The following SPOCK1 variants were observed in gnomAD, a reference collection of about 807,000 sequenced individuals.
SPOCK1 encodes the protein SPARC (osteonectin), cwcv and kazal like domains proteoglycan 1.
SPOCK1 carries 23 observed loss-of-function variants against 55.3 expected under a neutral mutation model. That is an observed-to-expected ratio of 0.42 (90% CI 0.30 to 0.59). The LOEUF (loss-of-function observed/expected upper bound fraction) is 0.59, where lower values mean the gene tolerates loss of function less well. SPOCK1 is among the 20% of genes least tolerant of loss of function. The pLI, the probability that SPOCK1 is intolerant of heterozygous loss-of-function variation, is 0.22. For missense variants in SPOCK1, 499 were observed against 552.5 expected, an observed-to-expected ratio of 0.90 and a Z score of 0.97; for synonymous variants, 226 against 221.0, an observed-to-expected ratio of 1.02 and a Z score of -0.20.
At chr5:136,989,886 G>A (rs1244948219) in intron 7 of SPOCK1, among the ~76,000 whole-genome samples, 2 of 152,022 alleles carry the variant, frequency 1.3e-5, no homozygotes, top group Non-Finnish European at 2.9e-5. Flanking sequence ...CCCTTTCTTA[G>A]TGAAATGTAG....
intron 2 of SPOCK1, among the ~76,000 whole-genome samples, chr5:137,373,148 G>A (rs746346266): frequency 6.6e-6 from 1 of 152,058 alleles, no homozygotes; most frequent in Non-Finnish European, 1.5e-5. Flanking sequence ...AGCCATATGA[G>A]TTTCTATTCA....
chr5:137,307,955 G>A (rs1279665537), intron 2 of SPOCK1, among the ~76,000 whole-genome samples: 1 of 152,100 alleles, frequency 6.6e-6, no homozygotes, highest in Non-Finnish European at 1.5e-5. Flanking sequence ...GACAAAACAA[G>A]GTAAATGTCC....
intron 2 of SPOCK1, among the ~76,000 whole-genome samples, chr5:137,285,561 T>A (rs997311305): frequency 2.0e-5 from 3 of 152,176 alleles, no homozygotes; most frequent in Non-Finnish European, 4.4e-5. Flanking sequence ...TTAAACATGG[T>A]TATTTATTAG....
chr5:137,350,892 C>G (rs1030744433), intron 2 of SPOCK1, among the ~76,000 whole-genome samples: 14 of 151,992 alleles, frequency 9.2e-5, no homozygotes, highest in African/African-American at 3.4e-4. Flanking sequence ...AAGATCAAGT[C>G]TGATCAGTTT....
At chr5:137,272,030 G>A (rs916540778) in intron 2 of SPOCK1, among the ~76,000 whole-genome samples, 3 of 152,150 alleles carry the variant, frequency 2.0e-5, no homozygotes, top group Non-Finnish European at 4.4e-5. Context: ...TTAAAAGGAG[G>A]GCAGGTAGTC....
At chr5:137,408,214 A>C (rs1752140259) in intron 2 of SPOCK1, among the ~76,000 whole-genome samples, 1 of 152,218 alleles carries the variant, frequency 6.6e-6, no homozygotes, top group African/African-American at 2.4e-5. Context: ...TGTGGTATTC[A>C]GTGCTGTGTT....
chr5:137,162,131 CTTT>C (rs566233599), intron 3 of SPOCK1, among the ~76,000 whole-genome samples: 78 of 131,780 alleles, frequency 5.9e-4, no homozygotes, highest in African/African-American at 2.1e-3. Flanking sequence ...CTAATGCTTT[CTTT>C]TTTTTTTTTT....
At chr5:137,107,561 T>A (rs953310219) in intron 5 of SPOCK1, among the ~76,000 whole-genome samples, 6 of 152,192 alleles carry the variant, frequency 3.9e-5, no homozygotes, top group African/African-American at 7.2e-5. Flanking sequence ...TTACATCCCT[T>A]CATCTCAAGA....
At chr5:137,403,112 T>C (rs989607178) in intron 2 of SPOCK1, among the ~76,000 whole-genome samples, 35 of 152,216 alleles carry the variant, frequency 2.3e-4, no homozygotes, top group Non-Finnish European at 4.7e-4. Flanking sequence ...ATTTGACAGA[T>C]ACACTGGCAC....
chr5:137,423,556 G>T (rs1561532135), intron 2 of SPOCK1, among the ~76,000 whole-genome samples: 2 of 152,182 alleles, frequency 1.3e-5, no homozygotes, highest in Non-Finnish European at 2.9e-5. Context: ...AATGAGCGAG[G>T]CTCCATGGCA....
chr5:137,330,352 T>C (rs943968617), intron 2 of SPOCK1, among the ~76,000 whole-genome samples: 1 of 152,144 alleles, frequency 6.6e-6, no homozygotes, highest in African/African-American at 2.4e-5. Context: ...TCGGCCAAAA[T>C]GCAGACTGAC....
intron 5 of SPOCK1, among the ~76,000 whole-genome samples, chr5:137,098,448 G>A (rs1306175038): frequency 1.3e-5 from 2 of 152,240 alleles, no homozygotes; most frequent in Non-Finnish European, 2.9e-5. Context: ...CTGGCAAAGG[G>A]TGGGTGTGTT....
At chr5:137,432,609 G>A (rs192198571) in intron 2 of SPOCK1, among the ~76,000 whole-genome samples, 60 of 152,240 alleles carry the variant, frequency 3.9e-4, no homozygotes, top group African/African-American at 1.3e-3. Context: ...CTGGGGCTGG[G>A]AGAAAAGGAG....
intron 4 of SPOCK1, among the ~76,000 whole-genome samples, chr5:137,120,986 C>A (rs894663746): frequency 2.0e-5 from 3 of 152,164 alleles, no homozygotes; most frequent in Non-Finnish European, 4.4e-5. Flanking sequence ...TCAATCCTAT[C>A]TGAATTAAAT....
intron 3 of SPOCK1, among the ~76,000 whole-genome samples, chr5:137,173,482 C>G (rs1413524525): frequency 6.6e-6 from 1 of 152,070 alleles, no homozygotes. Context: ...AAGCTGTGAT[C>G]CAATTGCTAT....
At chr5:137,032,023 A>C (rs1218920096) in intron 6 of SPOCK1, among the ~76,000 whole-genome samples, 1 of 148,054 alleles carries the variant, frequency 6.8e-6, no homozygotes, top group Non-Finnish European at 1.5e-5. Flanking sequence ...AAATATATAT[A>C]TATTCCCCAT....
intron 2 of SPOCK1, among the ~76,000 whole-genome samples, chr5:137,469,281 G>C (rs1193647384): frequency 6.6e-6 from 1 of 152,166 alleles, no homozygotes; most frequent in African/African-American, 2.4e-5. Flanking sequence ...ACTCAGGAAG[G>C]AAACACGAAT....
intron 9 of SPOCK1, 88 bp from the exon 10 acceptor site, chr5:136,979,557 A>T: frequency 6.7e-7 from 1 of 1,487,644 alleles, no homozygotes; most frequent in South Asian, 1.3e-5. Flanking sequence ...GAGGGCTCAC[A>T]TGTCAGAATA....
chr5:137,148,015 G>A, intron 3 of SPOCK1, among the ~76,000 whole-genome samples: 1 of 152,128 alleles, frequency 6.6e-6, no homozygotes, highest in Admixed American at 6.5e-5. Context: ...TCCAAAAGAA[G>A]CGCCTTTCCC....
Sources: allele counts gnomAD v4.1 joint callset (sites outside exome capture counted in the v4.1 genomes callset), GRCh38; gene constraint gnomAD v4.1.1; transcripts MANE v1.5; gene names NCBI Gene and HGNC (gene_info 2026-07-23, HGNC 2026-07-21).